PPA2: variants seen among roughly 807,000 people sequenced by gnomAD.
PPA2 encodes the protein inorganic pyrophosphatase 2, mitochondrial.
A neutral mutation model predicts 49.5 loss-of-function variants in PPA2; 48 were observed. The observed-to-expected ratio is 0.97, with a 90% CI of 0.77 to 1.23. The LOEUF is 1.23. PPA2 is among the 50% of genes most tolerant of loss of function. The pLI is 0.00. For synonymous variants in PPA2, 131 were observed against 139.9 expected, an observed-to-expected ratio of 0.94 and a Z score of 0.45; for missense variants, 429 against 410.1, an observed-to-expected ratio of 1.05 and a Z score of -0.40.
At chr4:105,430,515 TA>T (rs1723747290) in intron 6 of PPA2, among the ~76,000 whole-genome samples, 1 of 152,188 alleles carries the variant, frequency 6.6e-6, no homozygotes, top group Admixed American at 6.5e-5. Flanking sequence ...GAACAGCATA[TA>T]AGACCGAACA....
chr4:105,449,014 C>T (rs962040003), intron 4 of PPA2, among the ~76,000 whole-genome samples: 1 of 144,882 alleles, frequency 6.9e-6, no homozygotes, highest in Non-Finnish European at 1.5e-5. Context: ...GTCAGGAGAT[C>T]GAGACCATCC....
intron 1 of PPA2, among the ~76,000 whole-genome samples, chr4:105,470,926 T>C (rs1046591404): frequency 8.5e-5 from 13 of 152,220 alleles, no homozygotes; most frequent in African/African-American, 2.4e-4. Flanking sequence ...TACAGCACAG[T>C]TGCTTCTGGA....
chr4:105,375,994 T>G (rs926807752), intron 10 of PPA2, among the ~76,000 whole-genome samples: 1 of 152,214 alleles, frequency 6.6e-6, no homozygotes, highest in African/African-American at 2.4e-5. Flanking sequence ...CATCTTGTGA[T>G]CCTTAGGAAA....
chr4:105,400,196 C>T (rs1266086074), intron 7 of PPA2, among the ~76,000 whole-genome samples: 1 of 152,092 alleles, frequency 6.6e-6, no homozygotes, highest in Non-Finnish European at 1.5e-5. Context: ...TAAAATTATA[C>T]TGTTTTGTTA....
chr4:105,457,772 C>T (rs973392454), intron 1 of PPA2, among the ~76,000 whole-genome samples: 16 of 152,132 alleles, frequency 1.1e-4, no homozygotes, highest in African/African-American at 3.9e-4. Context: ...CTATGTTGCC[C>T]AGGCTTGTCT....
rs752423039 is a variant in PPA2, at chr4:105,421,913, C to T, written c.655+2283G>A. 4.0e-5 allele frequency among the ~76,000 whole-genome samples: 6 copies of T among 151,892 alleles called. No homozygotes were observed. In the South Asian group the frequency reaches 1.0e-3, roughly 26 times the overall value. On this transcript the variant is annotated intron_variant, in intron 7 of 11. Coordinates refer to ENST00000341695, the MANE Select transcript of PPA2 (RefSeq NM_176869.3). ...AAAAAATTAGCCAGGTGTGGTGGCG[C>T]GCGCCTGTACTCCCAACTAGTCAGG... is the stretch of plus-strand genomic sequence containing the variant.
chr4:105,401,584 T>C lies in PPA2; in HGVS notation c.656-2420A>G, dbSNP rs182620808. On this transcript the variant is annotated intron_variant, in intron 7 of 11. Transcript: ENST00000341695. The stretch of plus-strand genomic sequence containing the variant: ...TTTGATTAGATATATTTTTTTACAA[T>C]CTATGTTATTTTAAGAAAAGTGGCA... Among the ~76,000 whole-genome samples the C allele has an allele frequency of 1.4e-4, 22 of 152,276 alleles. No individual in the cohort carries two copies. The Middle Eastern group carries it at 0.017, about 118-fold the overall frequency.
intron 1 of PPA2, among the ~76,000 whole-genome samples, chr4:105,464,182 C>T (rs1578888663): frequency 6.6e-6 from 1 of 152,230 alleles, no homozygotes; most frequent in African/African-American, 2.4e-5. Context: ...GAACCCACCT[C>T]TTGCATCGGC....
chr4:105,399,189 G>A lies in PPA2; in HGVS notation c.656-25C>T, dbSNP rs755160158. On this transcript the variant is annotated intron_variant, in intron 7 of 11. Coordinates refer to ENST00000341695, the MANE Select transcript of PPA2 (RefSeq NM_176869.3). ...TCTGTAAAGAAAAAAACAAAAAGAT[G>A]TTTTGTTAAGAACCAAAATTAATTC... is the stretch of plus-strand genomic sequence containing the variant. 1.6e-5 allele frequency: 25 copies of A among 1,575,792 alleles called. No individual in the cohort carries two copies. In the Middle Eastern group the frequency reaches 6.8e-4, roughly 43 times the overall value.
chr4:105,443,609 ACAC>A (rs1294776979), intron 5 of PPA2, among the ~76,000 whole-genome samples: 1 of 143,750 alleles, frequency 7.0e-6, no homozygotes, highest in African/African-American at 2.5e-5. Context: ...ACACACACAC[ACAC>A]ACACACACAC....
intron 1 of PPA2, among the ~76,000 whole-genome samples, chr4:105,467,731 CA>C (rs961446462): frequency 6.6e-6 from 1 of 151,750 alleles, no homozygotes; most frequent in Non-Finnish European, 1.5e-5. Context: ...TGGTACATTT[CA>C]AAAAAATATG....
At chr4:105,465,105 T>A (rs1343683622) in intron 1 of PPA2, among the ~76,000 whole-genome samples, 1 of 152,118 alleles carries the variant, frequency 6.6e-6, no homozygotes, top group African/African-American at 2.4e-5. Context: ...TGAACCACCA[T>A]CCCACATCTA....
At chr4:105,431,624 T>C (rs1723803661) in intron 6 of PPA2, among the ~76,000 whole-genome samples, 1 of 152,144 alleles carries the variant, frequency 6.6e-6, no homozygotes, top group African/African-American at 2.4e-5. Flanking sequence ...CAAAAACTCA[T>C]ACATGAATGT....
rs533467743 is a variant in PPA2, at chr4:105,431,265, GA to G, written c.528+6684del. Among the ~76,000 whole-genome samples, 105 of 152,074 alleles carry G rather than the reference GA, an allele frequency of 6.9e-4. 1 individual carries two copies. The highest frequency in any genetic ancestry group is 2.5e-3 in the South Asian group (12 of 4,798). On this transcript the variant is annotated intron_variant, in intron 6 of 11. Coordinates refer to ENST00000341695, the MANE Select transcript of PPA2 (RefSeq NM_176869.3). ...TGTCAATTATAACTCAACAAAGCTA[GA>G]AAAAAATCTACTTCACATTTATGGC...
At chr4:105,413,644 T>A (rs991917061) in intron 7 of PPA2, among the ~76,000 whole-genome samples, 2 of 152,184 alleles carry the variant, frequency 1.3e-5, no homozygotes, top group African/African-American at 2.4e-5. Context: ...TCCTGTATAA[T>A]GAAATGTGTA....
intron 6 of PPA2, among the ~76,000 whole-genome samples, chr4:105,425,029 C>A (rs577746165): frequency 1.2e-3 from 190 of 152,256 alleles, no homozygotes; most frequent in African/African-American, 4.5e-3. Flanking sequence ...AATGGTAGGA[C>A]TAAACTGGCT....
chr4:105,370,415 G>A, intron 11 of PPA2: 1 of 213,262 alleles, frequency 4.7e-6, no homozygotes, highest in East Asian at 1.9e-4. Context: ...TTCAAATAAT[G>A]GTAATAAAAA....
In PPA2 at chr4:105,399,186, G is replaced by C. The variant is rs1012703316; in HGVS notation, c.656-22C>G. 15 of 1,578,434 alleles carry C rather than the reference G, an allele frequency of 9.5e-6. No homozygotes were observed. The Admixed American group carries it at 1.7e-4, about 18-fold the overall frequency. On this transcript the variant is annotated intron_variant, in intron 7 of 11. Transcript: ENST00000341695. The stretch of plus-strand genomic sequence containing the variant: ...ATATCTGTAAAGAAAAAAACAAAAA[G>C]ATGTTTTGTTAAGAACCAAAATTAA...
chr4:105,406,785 G>A, intron 7 of PPA2, among the ~76,000 whole-genome samples: 1 of 152,030 alleles, frequency 6.6e-6, no homozygotes, highest in Non-Finnish European at 1.5e-5. Context: ...ATGTATAAGT[G>A]GACCTGTACA....
Sources: gnomAD v4.1 joint callset for allele counts (sites outside exome capture counted in the v4.1 genomes callset) on GRCh38, gnomAD v4.1.1 for gene constraint, MANE v1.5 for transcripts, NCBI Gene and HGNC (gene_info 2026-07-23, HGNC 2026-07-21) for gene names.